The following SLC24A4 variants were observed in gnomAD, a reference collection of about 807,000 sequenced individuals.
SLC24A4 encodes sodium/potassium/calcium exchanger 4.
Under a neutral mutation model 79.0 loss-of-function variants are expected in SLC24A4, and 53 were observed. The ratio of observed to expected loss-of-function variants is 0.67; its 90% confidence interval spans 0.54 to 0.84. The LOEUF is 0.84. SLC24A4 is among the 40% of genes least tolerant of loss of function. The pLI is 0.00. For missense variants in SLC24A4, 731 were observed against 822.0 expected (o/e 0.89, Z 1.35); for synonymous variants, 323 against 323.8 (o/e 1.00, Z 0.03).
intron 13 of SLC24A4, chr14:92,483,650 T>C: frequency 9.3e-7 from 1 of 1,070,692 alleles, no homozygotes; most frequent in Non-Finnish European, 1.3e-6. Flanking sequence ...CTGGGCTGGG[T>C]CAGGCCACAC....
rs1217836735 is a variant in SLC24A4, at chr14:92,449,340, C to CCCT, written c.880+126_880+128dup. 8 of 1,283,592 alleles carry CCCT rather than the reference C, an allele frequency of 6.2e-6. No homozygotes were observed. The African/African-American group carries it at 1.2e-4, about 19-fold the overall frequency. 79.5% of individuals were successfully genotyped at this position (1,283,592 alleles called of 1,614,324 possible). ...CACACACACCCTCTCACAATGTCCC[C>CCCT]CCTCTAAATTGTCACTCTCTTACCT... On this transcript the variant is annotated intron_variant, in intron 10 of 16. Transcript: ENST00000532405.
intron 1 of SLC24A4, 51 bp downstream of exon 1, chr14:92,324,011 G>C (rs752901899): frequency 6.3e-7 from 1 of 1,576,028 alleles, no homozygotes; most frequent in Admixed American, 1.8e-5. Flanking sequence ...GGCTTTGGCT[G>C]GGGAGTCTCG....
chr14:92,366,755 G>C (rs1887862874), intron 2 of SLC24A4, among the ~76,000 whole-genome samples: 1 of 152,136 alleles, frequency 6.6e-6, no homozygotes, highest in African/African-American at 2.4e-5. Context: ...AGGAGCATGG[G>C]GATAATTCTC....
chr14:92,440,889 A>G (rs1892453469), intron 4 of SLC24A4, among the ~76,000 whole-genome samples: 1 of 151,920 alleles, frequency 6.6e-6, no homozygotes. Context: ...AGGGCATCCC[A>G]GGCGGAAGGA....
chr14:92,394,953 T>C (rs1889682902), intron 2 of SLC24A4, among the ~76,000 whole-genome samples: 1 of 152,126 alleles, frequency 6.6e-6, no homozygotes, highest in African/African-American at 2.4e-5. Flanking sequence ...CAGTTAAGGA[T>C]GCAGTGAGAC....
chr14:92,498,038 G>T lies in SLC24A4; in HGVS notation c.*4410G>T, dbSNP rs1479477359. 1 of 152,232 alleles carries T rather than the reference G, an allele frequency of 6.6e-6. No individual in the cohort carries two copies. Among genetic ancestry groups the T allele is most frequent in the Non-Finnish European group, 1.5e-5 (1 of 68,052 alleles). 9.4% of individuals were successfully genotyped at this position (152,232 alleles called of 1,614,324 possible). On this transcript the variant is annotated 3_prime_UTR_variant, in exon 17 of 17. Coordinates refer to ENST00000532405, the MANE Select transcript of SLC24A4 (RefSeq NM_153646.4). Reference sequence around the variant, plus strand: ...CAGGAGTACGTGGGGCACGTGAGGTGGTCCTCCTTTCAGCACACCGTGCCC... The same window carrying T: ...CAGGAGTACGTGGGGCACGTGAGGTTGTCCTCCTTTCAGCACACCGTGCCC...
chr14:92,387,768 C>G (rs1889246841), intron 2 of SLC24A4, among the ~76,000 whole-genome samples: 1 of 152,252 alleles, frequency 6.6e-6, no homozygotes, highest in Non-Finnish European at 1.5e-5. Flanking sequence ...TCTCTAAGAA[C>G]TTGGCTGCTC....
intron 2 of SLC24A4, among the ~76,000 whole-genome samples, chr14:92,417,735 T>C (rs919939423): frequency 6.6e-6 from 1 of 152,278 alleles, no homozygotes; most frequent in Non-Finnish European, 1.5e-5. Context: ...TTTCTGTGTT[T>C]AGATACACAA....
intron 10 of SLC24A4, chr14:92,453,608 G>T: frequency 3.1e-6 from 1 of 326,852 alleles, no homozygotes; most frequent in Non-Finnish European, 5.5e-6. Flanking sequence ...CTTGTAATTA[G>T]CCAAGACTGG....
intron 2 of SLC24A4, among the ~76,000 whole-genome samples, chr14:92,413,469 AAATT>A (rs1488894128): frequency 6.6e-6 from 1 of 152,166 alleles, no homozygotes; most frequent in African/African-American, 2.4e-5. Context: ...GCTGAGTTAG[AAATT>A]AATTGTTCCC....
chr14:92,431,703 C>T (rs901655774), intron 2 of SLC24A4, among the ~76,000 whole-genome samples: 3 of 152,188 alleles, frequency 2.0e-5, no homozygotes, highest in East Asian at 1.9e-4. Flanking sequence ...CTCCATAGCC[C>T]CCCAGCATGC....
chr14:92,470,693 G>A (rs1051933612), intron 12 of SLC24A4, among the ~76,000 whole-genome samples: 2 of 152,212 alleles, frequency 1.3e-5, no homozygotes, highest in Non-Finnish European at 2.9e-5. Flanking sequence ...CGAGATGGAA[G>A]TGGGGGGCCA....
At chr14:92,361,068 G>T (rs1222670200) in intron 2 of SLC24A4, among the ~76,000 whole-genome samples, 1 of 152,202 alleles carries the variant, frequency 6.6e-6, no homozygotes, top group Non-Finnish European at 1.5e-5. Flanking sequence ...CGGAGCCTCT[G>T]CTTTCAGGTA....
intron 2 of SLC24A4, among the ~76,000 whole-genome samples, chr14:92,399,575 A>T (rs1889977106): frequency 6.6e-6 from 1 of 152,162 alleles, no homozygotes; most frequent in South Asian, 2.1e-4. Context: ...ATAAAAAGCT[A>T]CTTTATTGCT....
chr14:92,452,932 G>A (rs1390323256), intron 10 of SLC24A4: 1 of 152,208 alleles, frequency 6.6e-6, no homozygotes, highest in East Asian at 1.9e-4. Context: ...AACCCGTAAA[G>A]GACACACCAG....
intron 3 of SLC24A4, among the ~76,000 whole-genome samples, chr14:92,435,110 A>G (rs1442900402): frequency 6.6e-6 from 1 of 152,224 alleles, no homozygotes; most frequent in African/African-American, 2.4e-5. Flanking sequence ...GGGCTTATCA[A>G]GCTATAACCT....
Position 92,456,558 on chromosome 14 carries a change from C to G in SLC24A4, c.1205C>G (p.Pro402Arg), listed in dbSNP as rs1269459725. The G allele has an allele frequency of 3.1e-6, 5 of 1,614,052 alleles. No individual in the cohort carries two copies. In the South Asian group the frequency reaches 5.5e-5, roughly 18 times the overall value. Residue 402 changes from proline to arginine, a missense_variant, in exon 12 of 17, where the codon CCA becomes CGA. Transcript: ENST00000532405. Reference protein sequence around the residue: ...EQQPPPQPPPPEPEPVEADFL... With the variant: ...EQQPPPQPPPREPEPVEADFL... Reference sequence around the variant, plus strand: ...CAGCCGCCGCCACAGCCACCACCGCCAGAGCCAGAGCCGGTGGAGGCTGAC... The same window carrying G: ...CAGCCGCCGCCACAGCCACCACCGCGAGAGCCAGAGCCGGTGGAGGCTGAC...
chr14:92,338,071 G>A (rs1460595274), intron 2 of SLC24A4, among the ~76,000 whole-genome samples: 1 of 152,072 alleles, frequency 6.6e-6, no homozygotes, highest in Admixed American at 6.5e-5. Flanking sequence ...CCTTCACATG[G>A]CTGACACCAA....
chr14:92,383,708 C>T (rs1445200986), intron 2 of SLC24A4, among the ~76,000 whole-genome samples: 1 of 152,162 alleles, frequency 6.6e-6, no homozygotes, highest in African/African-American at 2.4e-5. Flanking sequence ...TGACCGGCAC[C>T]GAATGGGCTT....
Sources: allele counts gnomAD v4.1 joint callset (sites outside exome capture counted in the v4.1 genomes callset), GRCh38; gene constraint gnomAD v4.1.1; transcripts MANE v1.5; gene names NCBI Gene and HGNC (gene_info 2026-07-23, HGNC 2026-07-21).